AOAH: variants seen among roughly 807,000 people sequenced by gnomAD.
AOAH encodes the protein acyloxyacyl hydrolase (neutrophil).
In AOAH, 64 loss-of-function variants were observed where a neutral mutation model predicts 92.2. That is an observed-to-expected ratio of 0.69 (90% CI 0.57 to 0.86). AOAH has a LOEUF of 0.86. AOAH is among the 40% of genes least tolerant of loss of function. The pLI, the probability that AOAH is intolerant of heterozygous loss-of-function variation, is 0.00. For synonymous variants in AOAH, 263 were observed against 254.5 expected, an observed-to-expected ratio of 1.03 and a Z score of -0.32; for missense variants, 656 against 694.6, an observed-to-expected ratio of 0.94 and a Z score of 0.62.
intron 20 of AOAH, among the ~76,000 whole-genome samples, chr7:36,520,283 T>A (rs1784042658): frequency 6.6e-6 from 1 of 152,244 alleles, no homozygotes; most frequent in African/African-American, 2.4e-5. Context: ...CTGTCTTTGA[T>A]CCTCCTCTTT....
At chr7:36,647,981 C>A (rs1378195674) in intron 4 of AOAH, among the ~76,000 whole-genome samples, 2 of 152,042 alleles carry the variant, frequency 1.3e-5, no homozygotes, top group East Asian at 3.9e-4. Context: ...CAGGTTCACG[C>A]CATCATGCCG....
At chr7:36,640,783 C>T (rs921092166) in intron 4 of AOAH, among the ~76,000 whole-genome samples, 1 of 152,026 alleles carries the variant, frequency 6.6e-6, no homozygotes, top group African/African-American at 2.4e-5. Context: ...AGGGAAGCTC[C>T]AGAAGCCACC....
At chr7:36,695,719 T>G (rs1797668907) in intron 1 of AOAH, among the ~76,000 whole-genome samples, 1 of 152,320 alleles carries the variant, frequency 6.6e-6, no homozygotes, top group African/African-American at 2.4e-5. Context: ...TATACTAACA[T>G]CTATGGGATT....
intron 1 of AOAH, among the ~76,000 whole-genome samples, chr7:36,694,707 A>G (rs1797604037): frequency 6.6e-6 from 1 of 152,226 alleles, no homozygotes; most frequent in African/African-American, 2.4e-5. Flanking sequence ...TTTTATTATT[A>G]AAGAAATTAA....
chr7:36,515,729 C>CCA (rs1247654747), intron 20 of AOAH, among the ~76,000 whole-genome samples: 2 of 123,324 alleles, frequency 1.6e-5, no homozygotes, highest in African/African-American at 6.2e-5. Flanking sequence ...CACACCAACA[C>CCA]CACACACACA....
intron 15 of AOAH, among the ~76,000 whole-genome samples, chr7:36,542,033 C>T (rs1450965576): frequency 6.6e-6 from 1 of 152,162 alleles, no homozygotes; most frequent in East Asian, 1.9e-4. Flanking sequence ...AAAAATGTGA[C>T]ATTACTTGAA....
At chr7:36,533,383 A>G (rs1385966824) in intron 16 of AOAH, among the ~76,000 whole-genome samples, 2 of 152,202 alleles carry the variant, frequency 1.3e-5, no homozygotes, top group South Asian at 2.1e-4. Flanking sequence ...ACCTCTGATT[A>G]GTTAGACTGG....
At chr7:36,556,059 CT>C (rs1786682246) in intron 13 of AOAH, among the ~76,000 whole-genome samples, 1 of 152,034 alleles carries the variant, frequency 6.6e-6, no homozygotes, top group African/African-American at 2.4e-5. Flanking sequence ...TTTTCTAGTT[CT>C]TTTAATTGTG....
At chr7:36,606,271 G>T (rs1379955716) in intron 11 of AOAH, among the ~76,000 whole-genome samples, 1 of 152,160 alleles carries the variant, frequency 6.6e-6, no homozygotes, top group Non-Finnish European at 1.5e-5. Flanking sequence ...CTGTTTGTGG[G>T]TTAATAAAGA....
At chr7:36,652,806 A>T (rs1402496199) in intron 4 of AOAH, among the ~76,000 whole-genome samples, 1 of 152,226 alleles carries the variant, frequency 6.6e-6, no homozygotes, top group Non-Finnish European at 1.5e-5. Context: ...GTCATGAAAA[A>T]CAAGGAAAGA....
intron 1 of AOAH, among the ~76,000 whole-genome samples, chr7:36,700,825 T>C (rs1309251589): frequency 6.6e-6 from 1 of 152,074 alleles, no homozygotes; most frequent in African/African-American, 2.4e-5. Context: ...TTCCCTTTTT[T>C]CTACATCCTT....
chr7:36,621,434 T>C (rs1157048796), intron 8 of AOAH, among the ~76,000 whole-genome samples: 1 of 152,198 alleles, frequency 6.6e-6, no homozygotes, highest in Non-Finnish European at 1.5e-5. Context: ...TTTTTCCCAC[T>C]TGACTGTAAG....
At chr7:36,632,575 C>G (rs1055039095) in intron 5 of AOAH, among the ~76,000 whole-genome samples, 2 of 152,218 alleles carry the variant, frequency 1.3e-5, no homozygotes, top group African/African-American at 4.8e-5. Context: ...CCTTGTGCTT[C>G]TTGAGCTGTG....
chr7:36,555,233 T>C (rs2116394870), intron 13 of AOAH, among the ~76,000 whole-genome samples: 1 of 152,098 alleles, frequency 6.6e-6, no homozygotes, highest in African/African-American at 2.4e-5. Context: ...TCTGCATCTA[T>C]TGAGATAATC....
At chr7:36,596,218 G>A (rs985847368) in intron 11 of AOAH, among the ~76,000 whole-genome samples, 19 of 133,790 alleles carry the variant, frequency 1.4e-4, no homozygotes, top group African/African-American at 4.8e-4. Context: ...AGATAACCAC[G>A]GTTAACAGTT....
At chr7:36,656,875 T>TG (rs1794923014) in intron 4 of AOAH, among the ~76,000 whole-genome samples, 3 of 116,644 alleles carry the variant, frequency 2.6e-5, no homozygotes, top group Admixed American at 8.6e-5. Flanking sequence ...CACAAAGAGG[T>TG]TTGGTGGGGG....
At chr7:36,619,485 C>T (rs889323715) in intron 9 of AOAH, among the ~76,000 whole-genome samples, 1 of 152,186 alleles carries the variant, frequency 6.6e-6, no homozygotes, top group African/African-American at 2.4e-5. Context: ...GGGCATCACA[C>T]ATTGATTAGT....
chr7:36,617,881 T>C (rs2116003449), intron 10 of AOAH, among the ~76,000 whole-genome samples: 1 of 152,322 alleles, frequency 6.6e-6, no homozygotes, highest in South Asian at 2.1e-4. Flanking sequence ...TTTAGCCTAG[T>C]GGACACAGAG....
At chr7:36,685,410 G>A (rs976977522) in intron 2 of AOAH, among the ~76,000 whole-genome samples, 13 of 152,296 alleles carry the variant, frequency 8.5e-5, no homozygotes, top group Non-Finnish European at 2.9e-5. Flanking sequence ...TGGGACTTCA[G>A]GGGAGGCCAC....
Sources: gnomAD v4.1 joint callset for allele counts (sites outside exome capture counted in the v4.1 genomes callset) on GRCh38, gnomAD v4.1.1 for gene constraint, MANE v1.5 for transcripts, NCBI Gene and HGNC (gene_info 2026-07-23, HGNC 2026-07-21) for gene names.